The following FMN2 variants were observed in gnomAD, a reference collection of about 807,000 sequenced individuals.
The protein encoded by FMN2 is formin-2.
A neutral mutation model predicts 142.3 loss-of-function variants in FMN2; 51 were observed. That is an observed-to-expected ratio of 0.36 (90% confidence interval 0.29 to 0.45). FMN2 has a LOEUF of 0.45. FMN2 is among the 20% of genes least tolerant of loss of function. FMN2 has a pLI of 1.00. For missense variants in FMN2, 1,936 were observed against 2,122.8 expected (o/e 0.91, Z 1.73); for synonymous variants, 882 against 869.8 (o/e 1.01, Z -0.25).
intron 2 of FMN2, among the ~76,000 whole-genome samples, chr1:240,176,756 A>G (rs1213359586): frequency 6.6e-6 from 1 of 152,176 alleles, no homozygotes; most frequent in Non-Finnish European, 1.5e-5. Flanking sequence ...TAGCTGGAAG[A>G]TACATGAGTA....
intron 7 of FMN2, among the ~76,000 whole-genome samples, chr1:240,290,043 A>G (rs1669724789): frequency 6.6e-6 from 1 of 152,212 alleles, no homozygotes; most frequent in African/African-American, 2.4e-5. Flanking sequence ...CCAAGTGTCC[A>G]AGGATAGACA....
At chr1:240,314,005 G>C (rs896160622) in intron 8 of FMN2, among the ~76,000 whole-genome samples, 2 of 152,054 alleles carry the variant, frequency 1.3e-5, no homozygotes, top group African/African-American at 4.8e-5. Flanking sequence ...TTAACATCCT[G>C]AAAAATATTT....
intron 8 of FMN2, among the ~76,000 whole-genome samples, chr1:240,306,810 T>C (rs752076329): frequency 2.0e-5 from 3 of 152,208 alleles, no homozygotes; most frequent in Non-Finnish European, 4.4e-5. Flanking sequence ...TTTTAGTTCA[T>C]TGGGAAATCT....
At chr1:240,438,381 A>T (rs889509192) in intron 16 of FMN2, among the ~76,000 whole-genome samples, 171 bp downstream of exon 16, 1 of 152,174 alleles carries the variant, frequency 6.6e-6, no homozygotes, top group Non-Finnish European at 1.5e-5. Context: ...TTTAATAAGA[A>T]GAGTCAGCAC....
intron 15 of FMN2, among the ~76,000 whole-genome samples, chr1:240,434,583 A>G (rs543170065): frequency 3.4e-4 from 50 of 147,650 alleles, no homozygotes; most frequent in African/African-American, 1.2e-3. Context: ...TTTTTTTGAG[A>G]TGGAGTCTCG....
At chr1:240,252,752 T>C (rs150694347) in intron 6 of FMN2, among the ~76,000 whole-genome samples, 2 of 152,072 alleles carry the variant, frequency 1.3e-5, no homozygotes, top group Non-Finnish European at 2.9e-5. Flanking sequence ...GAAAACCTTT[T>C]TGAATTGTAT....
intron 2 of FMN2, among the ~76,000 whole-genome samples, chr1:240,159,311 T>A (rs765012587): frequency 6.6e-6 from 1 of 152,182 alleles, no homozygotes; most frequent in Non-Finnish European, 1.5e-5. Context: ...CGTGTTAATG[T>A]CTTCTAGATG....
chr1:240,287,426 G>A (rs1171501494), intron 7 of FMN2, among the ~76,000 whole-genome samples: 1 of 152,154 alleles, frequency 6.6e-6, no homozygotes, highest in East Asian at 1.9e-4. Flanking sequence ...TACTCTGCCA[G>A]TGAAAAGAGG....
chr1:240,092,660 A>G lies in FMN2; in HGVS notation c.551A>G (p.Tyr184Cys). 6.2e-7 allele frequency: 1 copy of G among 1,614,106 alleles called. No homozygotes were observed. The highest frequency in any genetic ancestry group is 8.5e-7 in the Non-Finnish European group (1 of 1,180,008). The change falls in exon 1 of 18, where the codon TAT becomes TGT. Residue 184 changes from tyrosine to cysteine, a missense_variant. Tyr to Cys is a radical substitution (Grantham distance 194, BLOSUM62 -2). This residue lies in a region of FMN2 where 751 missense variants were observed against 791.8 expected (regional missense o/e 0.95). Coordinates refer to ENST00000319653, the MANE Select transcript of FMN2 (RefSeq NM_020066.5). ...RTSSGSDTDI[Y>C]SFHSATEQED... ...AGCTCGGGCTCGGACACGGACATCT[A>G]TAGCTTCCATTCGGCTACGGAGCAA...
intron 16 of FMN2, chr1:240,457,780 G>A (rs1212063234): frequency 1.3e-5 from 2 of 152,380 alleles, no homozygotes; most frequent in East Asian, 3.8e-4. Flanking sequence ...CTGGAGCAGA[G>A]TGAGTGAGAG....
At chr1:240,184,024 A>C (rs945917864) in intron 3 of FMN2, among the ~76,000 whole-genome samples, 1 of 152,010 alleles carries the variant, frequency 6.6e-6, no homozygotes, top group African/African-American at 2.4e-5. Flanking sequence ...TTTATTTTCC[A>C]TTCTTAGCTG....
At chr1:240,432,335 T>A (rs1675206506) in intron 15 of FMN2, among the ~76,000 whole-genome samples, 1 of 152,008 alleles carries the variant, frequency 6.6e-6, no homozygotes, top group South Asian at 2.1e-4. Context: ...GCCAGTATGA[T>A]CTATAAAGAT....
chr1:240,144,789 T>C, intron 2 of FMN2: 1 of 1,415,982 alleles, frequency 7.1e-7, no homozygotes, highest in Non-Finnish European at 1.0e-6. Context: ...TCGTGGACCA[T>C]GTTGTAGGGG....
chr1:240,275,196 C>G (rs181676430), intron 7 of FMN2, among the ~76,000 whole-genome samples: 1 of 151,712 alleles, frequency 6.6e-6, no homozygotes, highest in East Asian at 1.9e-4. Flanking sequence ...TGCATCAACC[C>G]GTCACCTACA....
chr1:240,304,232 T>G (rs1416404481), intron 8 of FMN2, among the ~76,000 whole-genome samples: 1 of 152,244 alleles, frequency 6.6e-6, no homozygotes, highest in African/African-American at 2.4e-5. Flanking sequence ...TTTCTTTGTA[T>G]GTCTTGTGAT....
At chr1:240,194,056 TTTG>T (rs138697334) in intron 4 of FMN2, among the ~76,000 whole-genome samples, 2,075 of 152,244 alleles carry the variant, frequency 0.014, 39 homozygotes, top group African/African-American at 0.04. Context: ...TTGTTTGTTT[TTTG>T]TTGTTGTTGT....
intron 15 of FMN2, among the ~76,000 whole-genome samples, chr1:240,408,270 C>G (rs990244301): frequency 6.6e-6 from 1 of 152,008 alleles, no homozygotes; most frequent in Admixed American, 6.6e-5. Context: ...CAAAATTGGT[C>G]TAAGAAATAT....
chr1:240,255,127 AC>A (rs1255378777), intron 6 of FMN2, among the ~76,000 whole-genome samples: 1 of 151,978 alleles, frequency 6.6e-6, no homozygotes. Context: ...AGCCTGGAGA[AC>A]CTTAATCACA....
intron 7 of FMN2, among the ~76,000 whole-genome samples, chr1:240,272,405 G>T (rs1297430238): frequency 6.6e-6 from 1 of 152,156 alleles, no homozygotes; most frequent in Non-Finnish European, 1.5e-5. Flanking sequence ...CCTTGAGAGG[G>T]GTCGGATTGG....
Sources: allele counts gnomAD v4.1 joint callset (sites outside exome capture counted in the v4.1 genomes callset), GRCh38; gene constraint gnomAD v4.1.1; regional missense constraint gnomAD v4.1.1; transcripts MANE v1.5; gene names NCBI Gene and HGNC (gene_info 2026-07-23, HGNC 2026-07-21).